The following SHTN1 variants were observed in gnomAD, a reference collection of about 807,000 sequenced individuals.
SHTN1 encodes the protein shootin 1.
Under a neutral mutation model 83.1 loss-of-function variants are expected in SHTN1, and 42 were observed. The ratio of observed to expected loss-of-function variants is 0.51; its 90% CI spans 0.39 to 0.65. The LOEUF (loss-of-function observed/expected upper bound fraction) is 0.65. Among genes scored for constraint, SHTN1 ranks in the 30% least tolerant of loss-of-function variants. SHTN1 has a pLI of 0.00. For missense variants in SHTN1, 622 were observed against 737.8 expected, an observed-to-expected ratio of 0.84 and a Z score of 1.82; for synonymous variants, 224 against 247.7, an observed-to-expected ratio of 0.90 and a Z score of 0.90.
intron 1 of SHTN1, among the ~76,000 whole-genome samples, chr10:116,990,291 T>C (rs1165891860): frequency 1.4e-5 from 2 of 147,056 alleles, no homozygotes; most frequent in African/African-American, 5.0e-5. Context: ...TTCTTTCTTT[T>C]TTTTTTTTTT....
intron 1 of SHTN1, among the ~76,000 whole-genome samples, chr10:117,069,586 G>A (rs1853052040): frequency 1.3e-5 from 2 of 152,136 alleles, no homozygotes; most frequent in South Asian, 4.2e-4. Context: ...TATAAATGAA[G>A]GTCTTCAGTA....
At chr10:116,924,761 T>G (rs1266209396) in intron 11 of SHTN1, among the ~76,000 whole-genome samples, 3 of 139,970 alleles carry the variant, frequency 2.1e-5, no homozygotes, top group African/African-American at 5.3e-5. Context: ...TTTTTTTTTT[T>G]TTTTTTTTTT....
intron 16 of SHTN1, among the ~76,000 whole-genome samples, chr10:116,892,699 T>C (rs1407433921): frequency 1.3e-5 from 2 of 152,244 alleles, no homozygotes; most frequent in East Asian, 1.9e-4. Context: ...TTACTTTTCA[T>C]AGAGCTATAT....
intron 2 of SHTN1, among the ~76,000 whole-genome samples, chr10:117,036,243 A>G (rs1852495141): frequency 6.6e-6 from 1 of 152,102 alleles, no homozygotes; most frequent in Admixed American, 6.6e-5. Context: ...TCAAAAAACT[A>G]AAAAAAGAGC....
At chr10:116,975,432 G>C (rs1484783967) in intron 2 of SHTN1, among the ~76,000 whole-genome samples, 1 of 150,604 alleles carries the variant, frequency 6.6e-6, no homozygotes, top group Non-Finnish European at 1.5e-5. Flanking sequence ...CCATTGCCCA[G>C]CCATGCTCTA....
chr10:116,942,553 T>C (rs186015880), intron 8 of SHTN1, among the ~76,000 whole-genome samples: 177 of 152,274 alleles, frequency 1.2e-3, no homozygotes, highest in African/African-American at 1.4e-3. Context: ...AATTTTAATA[T>C]AGTTATGAAG....
At chr10:117,057,560 A>AT (rs1184374239) in intron 1 of SHTN1, among the ~76,000 whole-genome samples, 1 of 151,800 alleles carries the variant, frequency 6.6e-6, no homozygotes, top group Non-Finnish European at 1.5e-5. Flanking sequence ...TTTTCCCTTC[A>AT]TTTTTCTCTT....
At chr10:116,931,287 C>T (rs1182926063) in intron 9 of SHTN1, among the ~76,000 whole-genome samples, 6 of 151,848 alleles carry the variant, frequency 4.0e-5, no homozygotes, top group South Asian at 4.2e-4. Context: ...CTCACTCTTT[C>T]GGCCAGGCTG....
intron 1 of SHTN1, among the ~76,000 whole-genome samples, chr10:117,003,877 A>C (rs966147728): frequency 6.6e-6 from 1 of 151,632 alleles, no homozygotes; most frequent in Non-Finnish European, 1.5e-5. Flanking sequence ...TCCTCCCTTT[A>C]TTTCTTTATT....
At chr10:117,032,129 A>C (rs1852424438) in intron 2 of SHTN1, among the ~76,000 whole-genome samples, 1 of 152,220 alleles carries the variant, frequency 6.6e-6, no homozygotes, top group South Asian at 2.1e-4. Flanking sequence ...ATAGATTTCA[A>C]GACAAAAATT....
intron 1 of SHTN1, among the ~76,000 whole-genome samples, chr10:117,058,660 T>A (rs916725343): frequency 1.3e-5 from 2 of 152,182 alleles, no homozygotes; most frequent in African/African-American, 4.8e-5. Flanking sequence ...TCTGAGTATA[T>A]ACTCAAAAGA....
chr10:116,914,802 C>T lies in SHTN1; in HGVS notation c.1305+573G>A, dbSNP rs184013658. Among the ~76,000 whole-genome samples, 844 of 152,230 alleles carry T rather than the reference C, an allele frequency of 5.5e-3. 5 individuals are homozygous for T. The highest frequency in any genetic ancestry group is 8.2e-3 in the Non-Finnish European group (555 of 68,012). Reference sequence around the variant, plus strand: ...GCAACTTCACAGATCCTGGAGTGCTCGCTGTGGTCTAGTTTAGGAGAGAGT... The same window carrying T: ...GCAACTTCACAGATCCTGGAGTGCTTGCTGTGGTCTAGTTTAGGAGAGAGT... On this transcript the variant is annotated intron_variant, in intron 13 of 16. Coordinates refer to ENST00000355371, the MANE Select transcript of SHTN1 (RefSeq NM_001127211.3).
upstream of SHTN1, chr10:117,005,372 G>C: frequency 8.3e-7 from 1 of 1,212,000 alleles, no homozygotes; most frequent in Non-Finnish European, 1.0e-6. Context: ...GCCTGTGGCT[G>C]CCGGCGCGGC....
Position 117,023,591 on chromosome 10 carries a change from C to T in SHTN1, c.-123+24854G>A, listed in dbSNP as rs185590621. 510 of 152,728 alleles carry T rather than the reference C, an allele frequency of 3.3e-3. 1 individual carries two copies. Among genetic ancestry groups the T allele is most frequent in the Non-Finnish European group, 4.6e-3 (314 of 68,030 alleles). 9.5% of individuals were successfully genotyped at this position (152,728 alleles called of 1,614,324 possible). A position where few individuals can be genotyped will look rare whatever the true frequency, so the allele number is the denominator to read the frequency against. On this transcript the variant is annotated intron_variant, in intron 2 of 17. Transcript: ENST00000392901. ...AAGTTTTAGAACAAGGCAGAATACA[C>T]TTGAAAATCTATTGCACTTTGGGAA...
intron 1 of SHTN1, among the ~76,000 whole-genome samples, chr10:117,123,359 AGAGACAACTTT>A (rs556505043): frequency 6.1e-4 from 93 of 152,286 alleles, no homozygotes; most frequent in African/African-American, 1.4e-3. Context: ...CAATTCCAGA[AGAGACAACTTT>A]GAGACAACTT....
chr10:116,937,107 CTT>C (rs1479316756), intron 9 of SHTN1, among the ~76,000 whole-genome samples: 10 of 152,220 alleles, frequency 6.6e-5, no homozygotes, highest in African/African-American at 2.4e-4. Flanking sequence ...GGTCTTGACT[CTT>C]TATCCAATTT....
intron 2 of SHTN1, among the ~76,000 whole-genome samples, chr10:117,012,726 T>A (rs1379188800): frequency 5.9e-5 from 9 of 151,986 alleles, no homozygotes; most frequent in Admixed American, 3.3e-4. Context: ...AAAAGCGTAA[T>A]CAATAAAAGA....
intron 1 of SHTN1, among the ~76,000 whole-genome samples, chr10:117,066,428 A>C (rs1285450268): frequency 6.6e-6 from 1 of 152,222 alleles, no homozygotes; most frequent in African/African-American, 2.4e-5. Context: ...GGGTAGAATT[A>C]AAATTGGGAC....
At position 116,892,083 on chromosome 10, in the gene SHTN1, T is replaced by C. The variant is rs533572635; in HGVS notation, c.1674-5517A>G. ...AATTCCTTTTTAACATAGGTAACAA[T>C]GGCTGGGCAAAGATCTATGTCTATG... On this transcript the variant is annotated intron_variant, in intron 16 of 16. Coordinates refer to ENST00000355371, the MANE Select transcript of SHTN1 (RefSeq NM_001127211.3). 2.6e-5 allele frequency among the ~76,000 whole-genome samples: 4 copies of C among 152,322 alleles called. No homozygotes were observed. In the East Asian group the frequency reaches 5.8e-4, roughly 22 times the overall value.
Sources: allele counts gnomAD v4.1 joint callset (sites outside exome capture counted in the v4.1 genomes callset), GRCh38; gene constraint gnomAD v4.1.1; transcripts MANE v1.5; gene names NCBI Gene and HGNC (gene_info 2026-07-23, HGNC 2026-07-21).